CNTLN: variants seen among roughly 807,000 people sequenced by gnomAD.
CNTLN encodes the protein centlein, centrosomal protein.
A neutral mutation model predicts 180.0 loss-of-function variants in CNTLN; 212 were observed. The observed-to-expected ratio is 1.18, with a 90% CI of 1.05 to 1.32. The LOEUF is 1.32. Among genes scored for constraint, CNTLN ranks in the 40% most tolerant of loss-of-function variants. The pLI, the probability that CNTLN is intolerant of heterozygous loss-of-function variation, is 0.00. For synonymous variants in CNTLN, 722 were observed against 563.1 expected (o/e 1.28, Z -3.99); for missense variants, 2,095 against 1,610.9 (o/e 1.30, Z -5.14).
At position 17,135,243 on chromosome 9, in the gene CNTLN, G is replaced by T. The variant is rs760454143; in HGVS notation, c.178G>T (p.Glu60Ter). 1.2e-6 allele frequency: 2 copies of T among 1,608,018 alleles called. No homozygotes were observed. The highest frequency in any genetic ancestry group is 2.2e-5 in the South Asian group (2 of 89,704). ...ADESDKIWVG[E>*]EGSGGRRGPG... ...CGAAAGTGATAAAATCTGGGTGGGT[G>T]AAGAAGGGTCAGGGGGCCGGCGAGG... Residue 60 changes from glutamate to a stop codon, truncating the protein, a stop_gained, in exon 1 of 26, where the codon GAA becomes TAA. Coordinates refer to ENST00000380647, the MANE Select transcript of CNTLN (RefSeq NM_017738.4). LOFTEE classifies it high-confidence loss of function.
chr9:17,413,441 C>A (rs1332239036), intron 16 of CNTLN, among the ~76,000 whole-genome samples: 6 of 152,016 alleles, frequency 3.9e-5, no homozygotes, highest in Non-Finnish European at 5.9e-5. Flanking sequence ...AGAACTTTTG[C>A]TCCTCAAAAG....
intron 6 of CNTLN, among the ~76,000 whole-genome samples, chr9:17,296,033 T>TTA (rs1817905383): frequency 7.2e-6 from 1 of 138,182 alleles, no homozygotes; most frequent in Non-Finnish European, 1.6e-5. Flanking sequence ...TGTGTGTGTG[T>TTA]GTGTGTTAGA....
chr9:17,392,890 A>G (rs1460617620), intron 14 of CNTLN, among the ~76,000 whole-genome samples: 1 of 151,662 alleles, frequency 6.6e-6, no homozygotes, highest in African/African-American at 2.4e-5. Flanking sequence ...TATTACAAGT[A>G]AAGTTTAGTA....
At chr9:17,331,385 T>C (rs1224486513) in intron 9 of CNTLN, among the ~76,000 whole-genome samples, 1 of 151,694 alleles carries the variant, frequency 6.6e-6, no homozygotes, top group East Asian at 1.9e-4. Flanking sequence ...ATTCATTACA[T>C]AGTTGTGTTA....
At chr9:17,472,030 G>T (rs1292448152) in intron 23 of CNTLN, among the ~76,000 whole-genome samples, 1 of 152,006 alleles carries the variant, frequency 6.6e-6, no homozygotes, top group Non-Finnish European at 1.5e-5. Context: ...GATACACTTT[G>T]GATGGGAAAA....
chr9:17,203,406 C>T (rs768869021), intron 2 of CNTLN, among the ~76,000 whole-genome samples: 2 of 152,132 alleles, frequency 1.3e-5, no homozygotes, highest in Non-Finnish European at 2.9e-5. Context: ...GGATGTTCTC[C>T]TGGATAATAT....
At chr9:17,379,606 A>G (rs1281055010) in intron 13 of CNTLN, among the ~76,000 whole-genome samples, 1 of 152,152 alleles carries the variant, frequency 6.6e-6, no homozygotes, top group Non-Finnish European at 1.5e-5. Flanking sequence ...CAGTATCTAA[A>G]AACCATTTTT....
chr9:17,511,896 G>A, the CNTLN span, among the ~76,000 whole-genome samples: 67 of 152,240 alleles, frequency 4.4e-4, 1 homozygote, highest in Middle Eastern at 3.4e-3. Context: ...TGAAGGTTTA[G>A]GGGAGGAAGA....
At chr9:17,278,076 A>G (rs369987888) in intron 6 of CNTLN, among the ~76,000 whole-genome samples, 1 of 152,142 alleles carries the variant, frequency 6.6e-6, no homozygotes, top group South Asian at 2.1e-4. Flanking sequence ...AGGCACTATC[A>G]AACTGTGGCT....
intron 15 of CNTLN, among the ~76,000 whole-genome samples, chr9:17,400,697 T>G (rs1156300346): frequency 6.6e-6 from 1 of 152,184 alleles, no homozygotes. Flanking sequence ...TTTATTATTA[T>G]TAAAAGGAAT....
intron 2 of CNTLN, among the ~76,000 whole-genome samples, chr9:17,189,887 C>T (rs558762879): frequency 3.9e-5 from 6 of 152,106 alleles, no homozygotes; most frequent in African/African-American, 1.2e-4. Context: ...ATTGTAAGTC[C>T]TCTCTTACCT....
intron 15 of CNTLN, among the ~76,000 whole-genome samples, chr9:17,398,085 A>G (rs1361643749): frequency 1.3e-5 from 2 of 152,064 alleles, no homozygotes; most frequent in African/African-American, 2.4e-5. Flanking sequence ...CCTTCTCAGT[A>G]TTTATTTCCC....
intron 23 of CNTLN, among the ~76,000 whole-genome samples, chr9:17,476,701 G>A (rs1431805322): frequency 1.3e-5 from 2 of 152,176 alleles, no homozygotes; most frequent in African/African-American, 4.8e-5. Context: ...TTCTTCAAAG[G>A]ATGAGGGAGG....
At chr9:17,157,034 A>C (rs1819343440) in intron 2 of CNTLN, among the ~76,000 whole-genome samples, 1 of 152,222 alleles carries the variant, frequency 6.6e-6, no homozygotes, top group Non-Finnish European at 1.5e-5. Flanking sequence ...AAATAATGTT[A>C]GTGATAACAC....
intron 2 of CNTLN, 65 bp from the exon 3 acceptor site, chr9:17,226,138 G>A (rs1281488179): frequency 1.3e-6 from 1 of 751,704 alleles, no homozygotes; most frequent in East Asian, 3.1e-5. Flanking sequence ...TAATATTTGG[G>A]ATATGAAAAT....
At chr9:17,228,420 A>G (rs968310880) in intron 3 of CNTLN, among the ~76,000 whole-genome samples, 11 of 152,084 alleles carry the variant, frequency 7.2e-5, no homozygotes, top group Admixed American at 2.6e-4. Context: ...TTTTTGTGCA[A>G]TGATGATTAT....
intron 5 of CNTLN, among the ~76,000 whole-genome samples, chr9:17,266,456 C>T (rs202132901): frequency 6.6e-6 from 1 of 151,894 alleles, no homozygotes; most frequent in Non-Finnish European, 1.5e-5. Flanking sequence ...CTTTGCTTCC[C>T]AGTATGTGGT....
Position 17,249,345 on chromosome 9 carries a change from G to GTTTTTT in CNTLN, c.849+12760_849+12765dup, listed in dbSNP as rs558059269. Reference sequence around the variant, plus strand: ...TCTTTGATCCATTGGTTCTTTGATTGTTTTTTTTGTTTTTTTTTTTTGAGC... The same window carrying GTTTTTT: ...TCTTTGATCCATTGGTTCTTTGATTGTTTTTTTTTTTTTTGTTTTTTTTTTTTGAGC... On this transcript the variant is annotated intron_variant, in intron 5 of 25. Coordinates refer to ENST00000380647, the MANE Select transcript of CNTLN (RefSeq NM_017738.4). 5.9e-3 allele frequency among the ~76,000 whole-genome samples: 737 copies of GTTTTTT among 124,760 alleles called. 19 individuals carry two copies. The highest frequency in any genetic ancestry group is 6.8e-3 in the Non-Finnish European group (423 of 62,078). The allele number at this position is 124,760 out of a possible 152,430, so 81.8% of individuals were successfully genotyped here.
At chr9:17,513,837 A>G in the CNTLN span, among the ~76,000 whole-genome samples, 1 of 152,380 alleles carries the variant, frequency 6.6e-6, no homozygotes, top group East Asian at 1.9e-4. Flanking sequence ...TTTACAATTA[A>G]ACTAACTCTG....
Sources: allele counts gnomAD v4.1 joint callset (sites outside exome capture counted in the v4.1 genomes callset), GRCh38; gene constraint gnomAD v4.1.1; transcripts MANE v1.5; gene names NCBI Gene and HGNC (gene_info 2026-07-23, HGNC 2026-07-21).